PTPRD: variants seen among roughly 807,000 people sequenced by gnomAD.
PTPRD encodes the protein receptor-type tyrosine-protein phosphatase delta.
In PTPRD, 34 loss-of-function variants were observed where a neutral mutation model predicts 214.5. The observed-to-expected ratio is 0.16, with a 90% CI of 0.12 to 0.21. The LOEUF is 0.21. Among genes scored for constraint, PTPRD ranks in the 10% least tolerant of loss-of-function variants. PTPRD has a pLI of 1.00. For synonymous variants in PTPRD, 1,128 were observed against 845.7 expected, an observed-to-expected ratio of 1.33 and a Z score of -5.79; for missense variants, 2,545 against 2,398.7, an observed-to-expected ratio of 1.06 and a Z score of -1.27.
chr9:8,489,379 C>T (rs2097102616), intron 27 of PTPRD, among the ~76,000 whole-genome samples: 1 of 152,160 alleles, frequency 6.6e-6, no homozygotes. Context: ...GCTTCCCCTG[C>T]TGTACAGGAG....
intron 14 of PTPRD, among the ~76,000 whole-genome samples, chr9:8,610,522 G>A (rs971096101): frequency 6.6e-6 from 1 of 152,170 alleles, no homozygotes; most frequent in African/African-American, 2.4e-5. Flanking sequence ...ACCAAGGGCT[G>A]ATGCTTCTTT....
chr9:8,848,313 CTTTTTTTTTT>C (rs371491854), intron 11 of PTPRD, among the ~76,000 whole-genome samples: 9 of 132,666 alleles, frequency 6.8e-5, no homozygotes, highest in South Asian at 2.4e-4. Context: ...AAGATTTTTC[CTTTTTTTTTT>C]TTTTTTTTTT....
intron 2 of PTPRD, among the ~76,000 whole-genome samples, chr9:10,392,424 A>C (rs927158315): frequency 6.6e-6 from 1 of 151,942 alleles, no homozygotes; most frequent in African/African-American, 2.4e-5. Context: ...ATTCTGAAGC[A>C]GACCAATTTG....
chr9:8,865,410 T>C (rs1164906654), intron 11 of PTPRD, among the ~76,000 whole-genome samples: 1 of 152,136 alleles, frequency 6.6e-6, no homozygotes, highest in East Asian at 1.9e-4. Context: ...TCATAAATAT[T>C]TCAGAAAGTA....
intron 8 of PTPRD, among the ~76,000 whole-genome samples, chr9:9,440,718 C>G (rs899929703): frequency 4.8e-4 from 73 of 152,282 alleles, no homozygotes; most frequent in African/African-American, 1.7e-3. Flanking sequence ...ATTAATTATT[C>G]CATATTTATT....
At chr9:9,717,193 C>T (rs922261464) in intron 7 of PTPRD, among the ~76,000 whole-genome samples, 2 of 152,216 alleles carry the variant, frequency 1.3e-5, no homozygotes, top group African/African-American at 4.8e-5. Flanking sequence ...GGGCTCTGTT[C>T]TGTTCCATTG....
At chr9:10,198,571 C>G (rs1204475783) in intron 3 of PTPRD, among the ~76,000 whole-genome samples, 1 of 151,998 alleles carries the variant, frequency 6.6e-6, no homozygotes, top group South Asian at 2.1e-4. Flanking sequence ...GAAGCAGGAT[C>G]CATTACAGGA....
chr9:9,747,925 A>G (rs888538566), intron 6 of PTPRD, among the ~76,000 whole-genome samples: 9 of 152,210 alleles, frequency 5.9e-5, no homozygotes, highest in Non-Finnish European at 1.2e-4. Context: ...TCTTTGAGAA[A>G]GGAATGTATA....
intron 8 of PTPRD, among the ~76,000 whole-genome samples, chr9:9,505,534 G>A (rs1252587353): frequency 6.6e-6 from 1 of 151,328 alleles, no homozygotes; most frequent in African/African-American, 2.4e-5. Context: ...ATTATTATTT[G>A]AGGTACTCAA....
intron 9 of PTPRD, among the ~76,000 whole-genome samples, chr9:9,234,323 T>C (rs1032710264): frequency 2.6e-5 from 4 of 152,166 alleles, no homozygotes; most frequent in African/African-American, 4.8e-5. Flanking sequence ...GGGCACCATG[T>C]CCTGAGGATG....
chr9:9,670,445 C>G (rs1382741682), intron 7 of PTPRD, among the ~76,000 whole-genome samples: 1 of 152,162 alleles, frequency 6.6e-6, no homozygotes, highest in Non-Finnish European at 1.5e-5. Flanking sequence ...AGGAGAAATT[C>G]AAGCTGGCTT....
At chr9:8,518,835 G>C (rs1325373659) in intron 20 of PTPRD, among the ~76,000 whole-genome samples, 1 of 151,640 alleles carries the variant, frequency 6.6e-6, no homozygotes, top group Non-Finnish European at 1.5e-5. Context: ...AATCCACTAA[G>C]ATTCTTAGAA....
chr9:9,457,918 C>T (rs945750087), intron 8 of PTPRD, among the ~76,000 whole-genome samples: 2 of 151,906 alleles, frequency 1.3e-5, no homozygotes, highest in South Asian at 2.1e-4. Flanking sequence ...TGGTGTTTCC[C>T]GTCTAACATT....
intron 5 of PTPRD, among the ~76,000 whole-genome samples, chr9:9,935,565 G>C (rs200121255): frequency 4.6e-5 from 7 of 151,776 alleles, no homozygotes; most frequent in South Asian, 2.1e-4. Context: ...CAATGCTCAA[G>C]GAAATAAAAG....
intron 2 of PTPRD, among the ~76,000 whole-genome samples, chr9:10,552,956 T>G (rs577129395): frequency 6.6e-6 from 1 of 152,200 alleles, no homozygotes; most frequent in East Asian, 1.9e-4. Context: ...GTAGTCTTGA[T>G]GATGGAGTTT....
chr9:9,834,662 C>G (rs1362321711), intron 5 of PTPRD, among the ~76,000 whole-genome samples: 2 of 151,952 alleles, frequency 1.3e-5, no homozygotes, highest in African/African-American at 4.8e-5. Context: ...CTTATTCAAA[C>G]AGTTAATAAA....
intron 5 of PTPRD, among the ~76,000 whole-genome samples, chr9:9,847,892 A>G (rs7858919): frequency 0.26 from 39,767 of 151,924 alleles, 6,489 homozygotes; most frequent in East Asian, 0.85. Flanking sequence ...TGTACATCAC[A>G]CTTTTTAAAA....
intron 8 of PTPRD, among the ~76,000 whole-genome samples, chr9:9,402,949 C>A (rs1587350828): frequency 1.1e-5 from 1 of 90,806 alleles, no homozygotes; most frequent in African/African-American, 4.4e-5. Flanking sequence ...GATGGTTCAA[C>A]ATTTGTCTAA....
chr9:8,454,835 TG>T, intron 33 of PTPRD, among the ~76,000 whole-genome samples: 1 of 151,988 alleles, frequency 6.6e-6, no homozygotes, highest in African/African-American at 2.4e-5. Flanking sequence ...TGTGTGTGTG[TG>T]TGTGTGTGTG....
Sources: allele counts gnomAD v4.1 joint callset (sites outside exome capture counted in the v4.1 genomes callset), GRCh38; gene constraint gnomAD v4.1.1; transcripts MANE v1.5; gene names NCBI Gene and HGNC (gene_info 2026-07-23, HGNC 2026-07-21).